The following RAD17 variants were observed in gnomAD, a reference collection of about 807,000 sequenced individuals.
RAD17 encodes the protein RAD17 checkpoint clamp loader component, also known as cell cycle checkpoint protein RAD17.
In RAD17, 31 loss-of-function variants were observed where a neutral mutation model predicts 81.5. That is an observed-to-expected ratio of 0.38 (90% confidence interval 0.29 to 0.51). RAD17 has a LOEUF of 0.51. Among genes scored for constraint, RAD17 ranks in the 20% least tolerant of loss-of-function variants. The pLI is 0.88. For missense variants in RAD17, 681 were observed against 781.2 expected, an observed-to-expected ratio of 0.87 and a Z score of 1.53; for synonymous variants, 261 against 266.2, an observed-to-expected ratio of 0.98 and a Z score of 0.19.
intron 4 of RAD17, among the ~76,000 whole-genome samples, chr5:69,373,591 G>C (rs1178918476): frequency 6.6e-6 from 1 of 150,900 alleles, no homozygotes; most frequent in African/African-American, 2.4e-5. Context: ...TGTAGTCCCA[G>C]TTACTCAAGA....
chr5:69,401,183 G>A (rs1765242601), intron 17 of RAD17, among the ~76,000 whole-genome samples: 1 of 152,236 alleles, frequency 6.6e-6, no homozygotes. Context: ...ACTCCAGCCT[G>A]GGCGACAGAG....
chr5:69,374,596 G>C, intron 5 of RAD17, 32 bp from the exon 6 acceptor site: 1 of 1,552,254 alleles, frequency 6.4e-7, no homozygotes, highest in South Asian at 1.2e-5. Flanking sequence ...CAGTTAAGAA[G>C]TTTTGTTTTA....
Position 69,384,908 on chromosome 5 carries a change from C to T in RAD17, c.620C>T (p.Thr207Ile). ...KLQMLGDDLR[T>I]DKKIILVEDL... ...CAAATGCTTGGAGATGATCTGAGAA[C>T]TGATAAGAAGATAATTCTGGTTGAA... Residue 207 changes from threonine to isoleucine, a missense_variant, in exon 8 of 19, where the codon ACT (threonine) becomes ATT (isoleucine). Physicochemically the swap from Thr to Ile is moderately conservative, Grantham distance 89. Coordinates refer to ENST00000354868, the MANE Select transcript of RAD17 (RefSeq NM_133338.3). The T allele has an allele frequency of 6.2e-7, 1 of 1,604,892 alleles. No homozygotes were observed. Among genetic ancestry groups the T allele is most frequent in the Non-Finnish European group, 8.5e-7 (1 of 1,175,700 alleles).
chr5:69,383,480 G>A (rs1431349181), intron 7 of RAD17, among the ~76,000 whole-genome samples: 1 of 151,962 alleles, frequency 6.6e-6, no homozygotes, highest in Non-Finnish European at 1.5e-5. Flanking sequence ...CTGGGTTCAA[G>A]CAATTCTCCT....
intron 13 of RAD17, chr5:69,392,840 C>A: frequency 2.1e-6 from 1 of 476,480 alleles, no homozygotes; most frequent in Non-Finnish European, 4.1e-6. Context: ...GAGTAAAGAC[C>A]ACTGTATTGA....
chr5:69,371,176 G>T lies in RAD17; in HGVS notation c.-280+5G>T. 2.0e-6 allele frequency: 1 copy of T among 501,188 alleles called. No homozygotes were observed. The highest frequency in any genetic ancestry group is 2.0e-5 in the African/African-American group (1 of 50,370). 31.0% of individuals were successfully genotyped at this position (501,188 alleles called of 1,614,324 possible). A position where few individuals can be genotyped will look rare whatever the true frequency, so the allele number is the denominator to read the frequency against. On this transcript the variant is annotated splice_donor_5th_base_variant and intron_variant, in intron 2 of 18. Coordinates refer to ENST00000354868, the MANE Select transcript of RAD17 (RefSeq NM_133338.3). ...GCCTGATTTTAATGACAAAAGGTAA[G>T]TACATAGTATGTGTGGTTTTTTTGT... is the stretch of plus-strand genomic sequence containing the variant.
intron 16 of RAD17, among the ~76,000 whole-genome samples, chr5:69,399,010 A>T (rs1278156398): frequency 1.4e-5 from 2 of 147,098 alleles, no homozygotes; most frequent in African/African-American, 5.0e-5. Flanking sequence ...CCATCTGTAT[A>T]AAAAAAAAAA....
chr5:69,411,658 A>C (rs900928681), intron 18 of RAD17, among the ~76,000 whole-genome samples: 1 of 152,172 alleles, frequency 6.6e-6, no homozygotes, highest in Non-Finnish European at 1.5e-5. Flanking sequence ...AAAGACCATG[A>C]TGGATGGATC....
intron 17 of RAD17, among the ~76,000 whole-genome samples, chr5:69,402,330 G>A (rs913162685): frequency 1.3e-5 from 2 of 151,732 alleles, no homozygotes; most frequent in Non-Finnish European, 2.9e-5. Context: ...AATTACAGGC[G>A]TGAGCCACCG....
chr5:69,395,789 ATATTTACG>A (rs1282464916), intron 15 of RAD17, among the ~76,000 whole-genome samples: 9 of 152,134 alleles, frequency 5.9e-5, no homozygotes, highest in Non-Finnish European at 1.2e-4. Flanking sequence ...ATCTCTCTAT[ATATTTACG>A]TATTTGTTTC....
intron 16 of RAD17, among the ~76,000 whole-genome samples, chr5:69,399,005 T>A (rs777629537): frequency 7.3e-5 from 11 of 151,502 alleles, no homozygotes; most frequent in Non-Finnish European, 1.2e-4. Flanking sequence ...AAACCCCATC[T>A]GTATAAAAAA....
intron 6 of RAD17, among the ~76,000 whole-genome samples, chr5:69,378,487 CTTCT>C (rs1279090772): frequency 1.3e-5 from 2 of 152,158 alleles, no homozygotes; most frequent in African/African-American, 4.8e-5. Flanking sequence ...TGTGCATAGG[CTTCT>C]TTTTCTTTGT....
At chr5:69,377,474 T>TATATACAC (rs1322869343) in intron 6 of RAD17, among the ~76,000 whole-genome samples, 1 of 10,178 alleles carries the variant, frequency 9.8e-5, no homozygotes, top group African/African-American at 1.6e-4. Context: ...TATATATATA[T>TATATACAC]ACACACACAC....
At chr5:69,410,937 T>C (rs976460664) in intron 18 of RAD17, among the ~76,000 whole-genome samples, 1 of 105,904 alleles carries the variant, frequency 9.4e-6, no homozygotes, top group Admixed American at 1.0e-4. Flanking sequence ...TTTTAGAAAA[T>C]TTAAACAAGC....
intron 16 of RAD17, among the ~76,000 whole-genome samples, chr5:69,398,253 A>C (rs1181983479): frequency 6.6e-6 from 1 of 152,232 alleles, no homozygotes; most frequent in African/African-American, 2.4e-5. Flanking sequence ...ATTTCAGAAC[A>C]TCATGTTGTA....
intron 17 of RAD17, among the ~76,000 whole-genome samples, chr5:69,409,150 A>C (rs1032664578): frequency 2.0e-5 from 3 of 152,000 alleles, no homozygotes; most frequent in African/African-American, 7.2e-5. Context: ...CAAAATCTCT[A>C]AGCCACTTAT....
At chr5:69,388,064 A>G (rs1293546363) in intron 11 of RAD17, among the ~76,000 whole-genome samples, 1 of 152,148 alleles carries the variant, frequency 6.6e-6, no homozygotes. Context: ...TGAGAACTGC[A>G]AATTGAGCCA....
chr5:69,410,657 G>A, intron 18 of RAD17, 107 bp downstream of exon 18: 3 of 1,003,918 alleles, frequency 3.0e-6, no homozygotes, highest in Admixed American at 2.1e-5. Flanking sequence ...AAGACATACT[G>A]TACCTAGTAA....
chr5:69,397,451 T>C (rs768258725), intron 16 of RAD17, among the ~76,000 whole-genome samples: 53 of 152,126 alleles, frequency 3.5e-4, no homozygotes, highest in Admixed American at 6.5e-5. Context: ...TGCATAGTTA[T>C]ATTTCAGTTT....
Sources: gnomAD v4.1 joint callset for allele counts (sites outside exome capture counted in the v4.1 genomes callset) on GRCh38, gnomAD v4.1.1 for gene constraint, MANE v1.5 for transcripts, NCBI Gene and HGNC (gene_info 2026-07-23, HGNC 2026-07-21) for gene names.